The following TEX11 variants were observed in gnomAD, a reference collection of about 807,000 sequenced individuals.
TEX11 encodes the protein testis expressed 11, also known as testis-expressed protein 11.
A neutral mutation model predicts 84.4 loss-of-function variants in TEX11; 7 were observed. That is an observed-to-expected ratio of 0.08 (90% confidence interval 0.05 to 0.16). The LOEUF (loss-of-function observed/expected upper bound fraction) is 0.16, where lower values mean the gene tolerates loss of function less well. TEX11 is among the 10% of genes least tolerant of loss of function. The pLI is 1.00. For missense variants in TEX11, 551 were observed against 660.5 expected (o/e 0.83, Z 1.82); for synonymous variants, 264 against 222.8 (o/e 1.18, Z -1.64).
chrX:70,715,220 T>A (rs760807531), intron 13 of TEX11, among the ~76,000 whole-genome samples: 1 of 104,725 alleles, frequency 9.5e-6, no homozygotes, highest in African/African-American at 4.0e-5. Context: ...CTGGCTTCAC[T>A]TAACATTTTT....
the TEX11 span, among the ~76,000 whole-genome samples, chrX:70,515,792 T>G: frequency 1.1e-4 from 12 of 112,259 alleles, no homozygotes; most frequent in African/African-American, 2.9e-4. Flanking sequence ...GTTGTTTCAT[T>G]ACTTTTTAAT....
intron 9 of TEX11, among the ~76,000 whole-genome samples, chrX:70,750,163 C>A (rs1324901947): frequency 1.8e-5 from 2 of 111,691 alleles, no homozygotes; most frequent in Non-Finnish European, 3.8e-5. Flanking sequence ...CCAAAAGATA[C>A]GTGAAAAAAT....
intron 13 of TEX11, among the ~76,000 whole-genome samples, chrX:70,704,684 T>A (rs924744649): frequency 6.3e-5 from 7 of 111,609 alleles, no homozygotes; most frequent in Non-Finnish European, 1.3e-4. Flanking sequence ...CAGTTACATA[T>A]CTTCTTTATT....
intron 28 of TEX11, among the ~76,000 whole-genome samples, chrX:70,544,820 C>G (rs2088095381): frequency 1.4e-5 from 1 of 72,677 alleles, no homozygotes; most frequent in Non-Finnish European, 2.3e-5. Flanking sequence ...GCGTCAGTGA[C>G]AGCGAGACTC....
intron 1 of TEX11, 112 bp from the exon 2 acceptor site, chrX:70,907,922 C>T: frequency 1.9e-6 from 1 of 535,171 alleles, no homozygotes; most frequent in Non-Finnish European, 3.0e-6. Flanking sequence ...GAAAAAAAGG[C>T]TGAGTAAAGT....
downstream of TEX11, among the ~76,000 whole-genome samples, chrX:70,525,042 A>G (rs2087810305): frequency 1.8e-5 from 2 of 110,786 alleles, no homozygotes; most frequent in Non-Finnish European, 3.8e-5. Context: ...TTAGCTAATC[A>G]TGGTGGTGCA....
At chrX:70,725,436 G>T in intron 11 of TEX11, 93 bp from the exon 12 acceptor site, 1 of 527,416 alleles carries the variant, frequency 1.9e-6, no homozygotes, top group Non-Finnish European at 3.1e-6. Flanking sequence ...ACCACCTTGG[G>T]ATAACTCATA....
intron 9 of TEX11, among the ~76,000 whole-genome samples, chrX:70,765,420 A>G (rs937975965): frequency 3.6e-5 from 4 of 111,834 alleles, no homozygotes; most frequent in African/African-American, 1.3e-4. Flanking sequence ...CAAGCCCAAT[A>G]TATTAAAAAG....
intron 13 of TEX11, among the ~76,000 whole-genome samples, chrX:70,711,378 T>G (rs769831960): frequency 2.7e-5 from 3 of 110,515 alleles, no homozygotes; most frequent in Non-Finnish European, 5.7e-5. Context: ...ACTTCCACAA[T>G]GGTTGAACTA....
At chrX:70,742,343 A>G (rs925242962) in intron 10 of TEX11, among the ~76,000 whole-genome samples, 1 of 105,345 alleles carries the variant, frequency 9.5e-6, no homozygotes, top group African/African-American at 3.5e-5. Flanking sequence ...ATGTCACTAT[A>G]TATAAATATA....
chrX:70,639,329 G>A (rs1292103984), intron 17 of TEX11, among the ~76,000 whole-genome samples: 2 of 112,070 alleles, frequency 1.8e-5, no homozygotes, highest in Non-Finnish European at 3.8e-5. Flanking sequence ...CAAGGCGGCA[G>A]TGAGGCTGGG....
intron 5 of TEX11, among the ~76,000 whole-genome samples, chrX:70,860,307 C>T (rs1037656509): frequency 1.8e-5 from 2 of 111,781 alleles, no homozygotes; most frequent in African/African-American, 6.5e-5. Context: ...TGTATTTACA[C>T]ATATATTTTA....
chrX:70,841,958 A>G (rs1473240880), intron 7 of TEX11, among the ~76,000 whole-genome samples: 1 of 111,865 alleles, frequency 8.9e-6, no homozygotes, highest in Non-Finnish European at 1.9e-5. Flanking sequence ...GAATAGACCA[A>G]TAACAGGCTC....
intron 11 of TEX11, among the ~76,000 whole-genome samples, chrX:70,730,472 T>C (rs139353466): frequency 0.015 from 1,706 of 110,912 alleles, 83 homozygotes; most frequent in Admixed American, 0.11. Context: ...ACCAAGCAAA[T>C]GGAAAACAAA....
At chrX:70,637,989 T>A (rs1487835967) in intron 17 of TEX11, among the ~76,000 whole-genome samples, 1 of 107,536 alleles carries the variant, frequency 9.3e-6, no homozygotes, top group Non-Finnish European at 1.9e-5. Flanking sequence ...GCTTAGGGAC[T>A]TATGGGACAA....
chrX:70,639,045 A>G (rs1383416074), intron 17 of TEX11, among the ~76,000 whole-genome samples: 1 of 110,165 alleles, frequency 9.1e-6, no homozygotes, highest in Non-Finnish European at 1.9e-5. Flanking sequence ...GGCGCAGGTC[A>G]GTGGGTGCGC....
At chrX:70,678,633 A>G (rs1318431735) in intron 15 of TEX11, among the ~76,000 whole-genome samples, 171 bp downstream of exon 15, 1 of 111,299 alleles carries the variant, frequency 9.0e-6, no homozygotes, top group African/African-American at 3.3e-5. Flanking sequence ...TTTTTAATAA[A>G]CTCTTGCACA....
chrX:70,545,250 T>C (rs1320000439), intron 28 of TEX11, among the ~76,000 whole-genome samples: 1 of 112,534 alleles, frequency 8.9e-6, no homozygotes, highest in Admixed American at 9.4e-5. Context: ...TTGACTCTTT[T>C]GTAATAACAT....
intron 24 of TEX11, among the ~76,000 whole-genome samples, chrX:70,593,941 G>A (rs1320151829): frequency 7.2e-5 from 8 of 110,626 alleles, no homozygotes; most frequent in East Asian, 5.6e-4. Flanking sequence ...GAAAAGGAGC[G>A]AAAAAGAGAA....
Sources: allele counts gnomAD v4.1 joint callset (sites outside exome capture counted in the v4.1 genomes callset), GRCh38; gene constraint gnomAD v4.1.1; transcripts MANE v1.5; gene names NCBI Gene and HGNC (gene_info 2026-07-23, HGNC 2026-07-21).